The following BTRC variants were observed in gnomAD, a reference collection of about 807,000 sequenced individuals.
BTRC encodes F-box/WD repeat-containing protein 1A.
A neutral mutation model predicts 85.5 loss-of-function variants in BTRC; 42 were observed. That is an observed-to-expected ratio of 0.49 (90% confidence interval 0.38 to 0.64). BTRC has a LOEUF of 0.64. BTRC is among the 30% of genes least tolerant of loss of function. The probability of loss-of-function intolerance (pLI) is 0.00; values close to 1 mark genes in which losing one functional copy is unlikely to be tolerated. For missense variants in BTRC, 594 were observed against 743.5 expected, an observed-to-expected ratio of 0.80 and a Z score of 2.34; for synonymous variants, 255 against 263.3, an observed-to-expected ratio of 0.97 and a Z score of 0.30.
intron 1 of BTRC, among the ~76,000 whole-genome samples, chr10:101,417,209 G>A (rs1192613171): frequency 6.6e-6 from 1 of 152,060 alleles, no homozygotes; most frequent in African/African-American, 2.4e-5. Context: ...AGTAATCTCA[G>A]TCAATGTCCT....
chr10:101,532,967 A>C lies in BTRC; in HGVS notation c.994A>C (p.Thr332Pro). The C allele has an allele frequency of 1.2e-6, 2 of 1,612,144 alleles. No homozygotes were observed. Among genetic ancestry groups the C allele is most frequent in the Non-Finnish European group, 1.7e-6 (2 of 1,178,556 alleles). ...DNTIKIWDKN[T>P]LECKRILTGH... ...GCCATCCTAGATCTGGGATAAAAAC[A>C]CATTGGAATGCAAGCGAATTCTCAC... The change falls in exon 9 of 15, where the codon ACA (threonine) becomes CCA (proline). Residue 332 changes from threonine (T) to proline (P), a missense_variant. Thr to Pro is a conservative substitution (Grantham distance 38). Around this residue, in one of 4 missense-constraint regions of BTRC, gnomAD observed 373 missense variants for 503.6 expected, o/e 0.74. Transcript: ENST00000370187.
chr10:101,402,803 T>G (rs1242905415), intron 1 of BTRC, among the ~76,000 whole-genome samples: 2 of 152,226 alleles, frequency 1.3e-5, no homozygotes, highest in African/African-American at 4.8e-5. Flanking sequence ...AATTCAGCAG[T>G]TCATTTCACC....
chr10:101,379,765 A>G (rs1366277504), intron 1 of BTRC, among the ~76,000 whole-genome samples: 2 of 152,182 alleles, frequency 1.3e-5, no homozygotes, highest in African/African-American at 4.8e-5. Context: ...ATATAAAACT[A>G]TGTTTAGACT....
At chr10:101,431,226 G>A (rs779131917) in intron 2 of BTRC, among the ~76,000 whole-genome samples, 11 of 151,734 alleles carry the variant, frequency 7.2e-5, no homozygotes, top group African/African-American at 1.2e-4. Context: ...ACAGTTACGC[G>A]CCACCACGCC....
chr10:101,420,641 A>AT (rs555388955), intron 1 of BTRC, among the ~76,000 whole-genome samples: 100 of 151,732 alleles, frequency 6.6e-4, no homozygotes, highest in Admixed American at 8.5e-4. Context: ...CTCCCAGCAG[A>AT]TTTTTTCCTA....
intron 1 of BTRC, among the ~76,000 whole-genome samples, chr10:101,367,252 T>TAG (rs1942492931): frequency 6.7e-6 from 1 of 149,060 alleles, no homozygotes; most frequent in Non-Finnish European, 1.5e-5. Context: ...GTATTTTTAG[T>TAG]AGAGACAAGG....
intron 1 of BTRC, among the ~76,000 whole-genome samples, chr10:101,382,993 A>C (rs1942974344): frequency 6.6e-6 from 1 of 151,590 alleles, no homozygotes; most frequent in East Asian, 1.9e-4. Context: ...TAAGTTTTTA[A>C]GGGCTTTTTG....
chr10:101,390,334 ATTTTTTTTTT>A (rs530214648), intron 1 of BTRC, among the ~76,000 whole-genome samples: 1 of 128,146 alleles, frequency 7.8e-6, no homozygotes, highest in Non-Finnish European at 1.7e-5. Flanking sequence ...TCCTGGTATG[ATTTTTTTTTT>A]TTTTTTTTTC....
At chr10:101,514,404 A>G (rs188233574) in intron 4 of BTRC, among the ~76,000 whole-genome samples, 2 of 152,244 alleles carry the variant, frequency 1.3e-5, no homozygotes, top group Non-Finnish European at 2.9e-5. Context: ...GAAGTTAGGA[A>G]CAGACTTCAT....
At chr10:101,392,796 T>G (rs1351986916) in intron 1 of BTRC, among the ~76,000 whole-genome samples, 1 of 152,204 alleles carries the variant, frequency 6.6e-6, no homozygotes, top group Non-Finnish European at 1.5e-5. Context: ...AGTGCTGGAA[T>G]TATAGGTGTA....
chr10:101,454,693 G>A (rs1945030642), intron 2 of BTRC, among the ~76,000 whole-genome samples: 1 of 152,078 alleles, frequency 6.6e-6, no homozygotes, highest in Admixed American at 6.5e-5. Flanking sequence ...GAGGCAGGAG[G>A]ATTACTTGAG....
chr10:101,449,033 A>G (rs1277984787), intron 2 of BTRC, among the ~76,000 whole-genome samples: 1 of 152,058 alleles, frequency 6.6e-6, no homozygotes, highest in Non-Finnish European at 1.5e-5. Flanking sequence ...TAATTAGGAA[A>G]AAAAATAATG....
chr10:101,538,075 T>G (rs1184755486), intron 12 of BTRC, among the ~76,000 whole-genome samples: 5 of 152,212 alleles, frequency 3.3e-5, no homozygotes, highest in African/African-American at 4.8e-5. Flanking sequence ...AAAGGTCTAA[T>G]GTACAAGATC....
intron 4 of BTRC, among the ~76,000 whole-genome samples, chr10:101,509,030 A>T (rs1315126070): frequency 6.7e-6 from 1 of 149,818 alleles, no homozygotes; most frequent in Non-Finnish European, 1.5e-5. Flanking sequence ...CTTTCAGTTT[A>T]TCTTGAAATC....
At chr10:101,385,615 C>CTTTTTTTTTTT (rs146804594) in intron 1 of BTRC, among the ~76,000 whole-genome samples, 5 of 48,902 alleles carry the variant, frequency 1.0e-4, no homozygotes, top group East Asian at 7.9e-4. Context: ...CTTTCTTCTT[C>CTTTTTTTTTTT]TTCTTTTTTT....
At chr10:101,527,488 C>A (rs2062209533) in intron 6 of BTRC, among the ~76,000 whole-genome samples, 1 of 152,162 alleles carries the variant, frequency 6.6e-6, no homozygotes, top group South Asian at 2.1e-4. Context: ...TGGGGTGGCT[C>A]ACGCCTGTAA....
In BTRC at chr10:101,430,416, G is replaced by A. The variant is rs1472041530; in HGVS notation, c.120G>A (p.Leu40=). 3 of 1,613,916 alleles carry A rather than the reference G, an allele frequency of 1.9e-6. No homozygotes were observed. Among genetic ancestry groups the A allele is most frequent in the Admixed American group, 1.7e-5 (1 of 59,984 alleles). ...ACAGCATGCCTTCGCTGCGATGCCT[G>A]TATAACCCAGGGACTGGCGCACTCA... ...LADSMPSLRC[L]YNPGTGALTA... The change falls in exon 2 of 15, where the codon CTG becomes CTA. Residue 40 remains leucine, a synonymous_variant. Transcript: ENST00000370187.
At chr10:101,366,797 T>TA (rs1564729686) in intron 1 of BTRC, among the ~76,000 whole-genome samples, 6 of 99,106 alleles carry the variant, frequency 6.1e-5, no homozygotes, top group Non-Finnish European at 1.1e-4. Flanking sequence ...TATTTTTACA[T>TA]TTATATATAT....
chr10:101,478,905 C>G (rs1344669250), intron 3 of BTRC, among the ~76,000 whole-genome samples: 1 of 150,604 alleles, frequency 6.6e-6, no homozygotes, highest in Non-Finnish European at 1.5e-5. Context: ...CGCCACTGCA[C>G]CCCAGCCTGG....
Sources: gnomAD v4.1 joint callset for allele counts (sites outside exome capture counted in the v4.1 genomes callset) on GRCh38, gnomAD v4.1.1 for gene constraint, gnomAD v4.1.1 regional missense constraint, MANE v1.5 for transcripts, NCBI Gene and HGNC (gene_info 2026-07-23, HGNC 2026-07-21) for gene names.